PNLIPRP3: variants seen among roughly 807,000 people sequenced by gnomAD.
The protein encoded by PNLIPRP3 is pancreatic lipase related protein 3.
PNLIPRP3 carries 58 observed loss-of-function variants against 52.8 expected under a neutral mutation model. That is an observed-to-expected ratio of 1.10 (90% confidence interval 0.89 to 1.37). The LOEUF (loss-of-function observed/expected upper bound fraction) is 1.37, where lower values mean the gene tolerates loss of function less well. PNLIPRP3 is among the 40% of genes most tolerant of loss of function. The pLI is 0.00. For missense variants in PNLIPRP3, 593 were observed against 561.6 expected, an observed-to-expected ratio of 1.06 and a Z score of -0.57; for synonymous variants, 192 against 185.0, an observed-to-expected ratio of 1.04 and a Z score of -0.31.
Position 116,475,330 on chromosome 10 carries a change from G to T in PNLIPRP3, c.1173-1322G>T, listed in dbSNP as rs1457478552. On this transcript the variant is annotated intron_variant, in intron 10 of 11. Transcript: ENST00000369230. ...GAGAGGATCAGGAAAAATAACTAAT[G>T]GGTACTAGGCTTAATGTCTGGGTGA... is the stretch of plus-strand genomic sequence containing the variant. 2.0e-5 allele frequency among the ~76,000 whole-genome samples: 3 copies of T among 152,212 alleles called. No individual in the cohort carries two copies. The East Asian group carries it at 5.8e-4, about 29-fold the overall frequency.
intron 4 of PNLIPRP3, among the ~76,000 whole-genome samples, chr10:116,451,784 C>A (rs1272224145): frequency 6.6e-6 from 1 of 152,080 alleles, no homozygotes; most frequent in East Asian, 1.9e-4. Flanking sequence ...AACCTCTTTT[C>A]TTTATGAATT....
intron 1 of PNLIPRP3, among the ~76,000 whole-genome samples, chr10:116,428,323 T>C (rs1845665797): frequency 6.6e-6 from 1 of 152,140 alleles, no homozygotes; most frequent in African/African-American, 2.4e-5. Flanking sequence ...GAAGCATCTA[T>C]TTCCAACAAT....
chr10:116,430,999 C>T (rs769453142), intron 1 of PNLIPRP3, among the ~76,000 whole-genome samples: 37 of 152,188 alleles, frequency 2.4e-4, no homozygotes, highest in Non-Finnish European at 4.3e-4. Flanking sequence ...CAAATCTGTT[C>T]GTCTCAAAGT....
At chr10:116,458,809 T>A (rs773271674) in intron 5 of PNLIPRP3, among the ~76,000 whole-genome samples, 22 of 152,154 alleles carry the variant, frequency 1.4e-4, no homozygotes, top group Admixed American at 3.3e-4. Flanking sequence ...ACCCCTTCCC[T>A]CCTGGCCTCT....
In PNLIPRP3 at chr10:116,471,789, T is replaced by C; in HGVS notation, c.1082T>C (p.Val361Ala). The change falls in exon 10 of 12, where the codon GTT becomes GCT. Residue 361 changes from valine to alanine, a missense_variant. Val to Ala is a moderately conservative substitution (Grantham distance 64, BLOSUM62 0). Transcript: ENST00000369230. ...CTAGGTTGGAGGCACAAATTGTCTG[T>C]TAAACTCAGTGGAAGCGAAGTCACT... The part of the protein sequence containing the change: ...PFARWRHKLS[V>A]KLSGSEVTQG... 6.2e-7 allele frequency: 1 copy of C among 1,611,352 alleles called. No individual in the cohort carries two copies. The highest frequency in any genetic ancestry group is 8.5e-7 in the Non-Finnish European group (1 of 1,177,842).
intron 8 of PNLIPRP3, among the ~76,000 whole-genome samples, chr10:116,467,224 A>G (rs1164615659): frequency 6.6e-6 from 1 of 152,186 alleles, no homozygotes; most frequent in Non-Finnish European, 1.5e-5. Flanking sequence ...GTACCCTAAT[A>G]GTCATACAAT....
chr10:116,466,122 A>T lies in PNLIPRP3; in HGVS notation c.881A>T (p.Asp294Val). The change falls in exon 8 of 12, where the codon GAT becomes GTT. Residue 294 changes from aspartate (D) to valine (V), a missense_variant. Coordinates refer to ENST00000369230, the MANE Select transcript of PNLIPRP3 (RefSeq NM_001011709.3). ...QFYAESILNP[D>V]AFIAYPCRSY... ...TATGCTGAAAGCATTCTTAATCCTGATGCATTTATTGCTTATCCTTGTAGA... is the reference window on the plus strand; with the variant it reads ...TATGCTGAAAGCATTCTTAATCCTGTTGCATTTATTGCTTATCCTTGTAGA... 1 of 1,613,488 alleles carries T rather than the reference A, an allele frequency of 6.2e-7. No individual in the cohort carries two copies. The highest frequency in any genetic ancestry group is 8.5e-7 in the Non-Finnish European group (1 of 1,179,622).
chr10:116,437,818 C>CCA (rs1845798533), intron 2 of PNLIPRP3, among the ~76,000 whole-genome samples: 1 of 152,098 alleles, frequency 6.6e-6, no homozygotes, highest in South Asian at 2.1e-4. Flanking sequence ...GCCACACCAG[C>CCA]CACATTTCAA....
intron 7 of PNLIPRP3, among the ~76,000 whole-genome samples, chr10:116,461,820 G>A (rs546967557): frequency 6.6e-6 from 1 of 152,272 alleles, no homozygotes; most frequent in Non-Finnish European, 1.5e-5. Flanking sequence ...ATGACCTAAA[G>A]GAGTTAGCCT....
At chr10:116,442,410 T>A (rs556909060) in intron 2 of PNLIPRP3, among the ~76,000 whole-genome samples, 36 of 152,316 alleles carry the variant, frequency 2.4e-4, no homozygotes, top group African/African-American at 7.2e-4. Context: ...CTAGGCATGT[T>A]TTAATTCTCA....
At chr10:116,474,515 C>T (rs80223146) in intron 10 of PNLIPRP3, among the ~76,000 whole-genome samples, 2 of 152,154 alleles carry the variant, frequency 1.3e-5, no homozygotes, top group African/African-American at 2.4e-5. Context: ...AACAGACAAC[C>T]TACAGAATGG....
chr10:116,449,299 TG>T (rs1846001951), intron 4 of PNLIPRP3, among the ~76,000 whole-genome samples: 1 of 30,522 alleles, frequency 3.3e-5, no homozygotes, highest in Non-Finnish European at 2.7e-4. Context: ...ATAGAGTGAT[TG>T]AATAGATAGT....
In PNLIPRP3 at chr10:116,466,954, C is replaced by T. The variant is rs1290969917; in HGVS notation, c.927+786C>T. ...CTGCCATTCTTGGAAAGCTTGACAG[C>T]CAAACAGTAGCATTTTCCACATATC... On this transcript the variant is annotated intron_variant, in intron 8 of 11. Transcript: ENST00000369230. Among the ~76,000 whole-genome samples the T allele has an allele frequency of 2.0e-5, 3 of 152,286 alleles. No individual in the cohort carries two copies. In the South Asian group the frequency reaches 6.2e-4, roughly 32 times the overall value.
intron 8 of PNLIPRP3, among the ~76,000 whole-genome samples, chr10:116,468,892 A>T (rs1357833964): frequency 1.3e-5 from 2 of 152,214 alleles, no homozygotes. Flanking sequence ...CATATGCTTG[A>T]CAACTAGTAA....
intron 4 of PNLIPRP3, among the ~76,000 whole-genome samples, chr10:116,445,269 C>A (rs1181288220): frequency 6.6e-6 from 1 of 152,094 alleles, no homozygotes; most frequent in Non-Finnish European, 1.5e-5. Context: ...AACAAATGAA[C>A]AAGAAAATGT....
At chr10:116,470,408 C>T (rs1846349682) in intron 9 of PNLIPRP3, among the ~76,000 whole-genome samples, 1 of 151,370 alleles carries the variant, frequency 6.6e-6, no homozygotes, top group Non-Finnish European at 1.5e-5. Flanking sequence ...GAAGAATGGG[C>T]AGAGAGAAGG....
chr10:116,456,350 C>T (rs536170285), intron 5 of PNLIPRP3, among the ~76,000 whole-genome samples: 19 of 152,204 alleles, frequency 1.2e-4, no homozygotes, highest in South Asian at 1.2e-3. Flanking sequence ...GTTCCCAACA[C>T]GAAGAAAAGA....
At chr10:116,443,630 CACATATATATAACACATATGTGTTTAT>C (rs1206879673) in intron 3 of PNLIPRP3, among the ~76,000 whole-genome samples, 2 of 2,260 alleles carry the variant, frequency 8.8e-4, no homozygotes, top group Non-Finnish European at 5.9e-3. Context: ...ATATATATAA[CACATATATATAACACATATGTGTTTAT>C]ATATATAACA....
chr10:116,436,553 A>G (rs1343988637), intron 1 of PNLIPRP3, among the ~76,000 whole-genome samples, 158 bp from the exon 2 acceptor site: 4 of 152,216 alleles, frequency 2.6e-5, no homozygotes, highest in South Asian at 2.1e-4. Flanking sequence ...CAACAAAATG[A>G]AAAGGCAACC....
Sources: allele counts gnomAD v4.1 joint callset (sites outside exome capture counted in the v4.1 genomes callset), GRCh38; gene constraint gnomAD v4.1.1; transcripts MANE v1.5; gene names NCBI Gene and HGNC (gene_info 2026-07-23, HGNC 2026-07-21).